KLKB1: variants seen among roughly 807,000 people sequenced by gnomAD.
KLKB1 encodes kallikrein B1.
Under a neutral mutation model 73.6 loss-of-function variants are expected in KLKB1, and 58 were observed. The observed-to-expected ratio is 0.79, with a 90% CI of 0.64 to 0.98. The LOEUF (loss-of-function observed/expected upper bound fraction) is 0.98. Among genes scored for constraint, KLKB1 ranks in the 50% least tolerant of loss-of-function variants. KLKB1 has a pLI of 0.00. For synonymous variants in KLKB1, 280 were observed against 258.1 expected (o/e 1.08, Z -0.81); for missense variants, 737 against 763.8 (o/e 0.96, Z 0.41).
chr4:186,230,002 AT>A (rs1207007452), intron 2 of KLKB1, among the ~76,000 whole-genome samples: 1 of 152,028 alleles, frequency 6.6e-6, no homozygotes. Flanking sequence ...TGTTGGTACT[AT>A]TTTGCTACTA....
upstream of KLKB1, among the ~76,000 whole-genome samples, chr4:186,226,084 T>C (rs1737158654): frequency 6.6e-6 from 1 of 152,118 alleles, no homozygotes; most frequent in Non-Finnish European, 1.5e-5. Context: ...CATTTTGTTC[T>C]TTAGCTCCAG....
chr4:186,216,557 G>A (rs767506870), intron 2 of KLKB1, among the ~76,000 whole-genome samples: 7 of 152,192 alleles, frequency 4.6e-5, no homozygotes, highest in Non-Finnish European at 8.8e-5. Flanking sequence ...AGTGAGTCAC[G>A]TGGGGATCTG....
chr4:186,229,086 T>A (rs1166572953), intron 2 of KLKB1: 1 of 152,204 alleles, frequency 6.6e-6, no homozygotes, highest in African/African-American at 2.4e-5. Flanking sequence ...CCCTCAACCC[T>A]GATTTCTCTT....
chr4:186,239,773 G>A (rs1300554735), intron 6 of KLKB1, among the ~76,000 whole-genome samples: 1 of 143,016 alleles, frequency 7.0e-6, no homozygotes, highest in East Asian at 2.1e-4. Context: ...AGAGTTATAG[G>A]TACAGTGATA....
Position 186,233,981 on chromosome 4 carries a change from C to T in KLKB1, c.251C>T (p.Thr84Ile). ...RFGCFLKDSV[T>I]GTLPKVHRTG... ...GGTTGCTTCTTGAAAGATAGTGTTA[C>T]AGGAACCCTGCCAAAAGTACATCGA... is the stretch of plus-strand genomic sequence containing the variant. The change falls in exon 4 of 15, where the codon ACA (threonine) becomes ATA (isoleucine). Residue 84 changes from threonine to isoleucine, a missense_variant. By Grantham distance (89) the Thr-to-Ile change is moderately conservative (BLOSUM62 -1). Coordinates refer to ENST00000264690, the MANE Select transcript of KLKB1 (RefSeq NM_000892.5). 1 of 1,613,994 alleles carries T rather than the reference C, an allele frequency of 6.2e-7. No individual in the cohort carries two copies. Among genetic ancestry groups the T allele is most frequent in the Non-Finnish European group, 8.5e-7 (1 of 1,179,884 alleles).
At chr4:186,228,506 C>T (rs1010316123) in intron 2 of KLKB1, among the ~76,000 whole-genome samples, 9 of 152,174 alleles carry the variant, frequency 5.9e-5, no homozygotes, top group African/African-American at 2.2e-4. Context: ...TTAACAAAAA[C>T]TTCTGTTCGC....
At chr4:186,246,060 C>T (rs1417804975) in intron 6 of KLKB1, among the ~76,000 whole-genome samples, 3 of 151,872 alleles carry the variant, frequency 2.0e-5, no homozygotes, top group Admixed American at 1.3e-4. Context: ...TTAGCTCCAA[C>T]CACCTCTTTA....
chr4:186,212,563 G>A (rs185743702), intron 2 of KLKB1: 1 of 152,230 alleles, frequency 6.6e-6, no homozygotes, highest in East Asian at 1.9e-4. Context: ...TATATCATAT[G>A]TTATTGGAAG....
rs138408657 is a variant in KLKB1, at chr4:186,232,173, T to C, written c.105T>C (p.Asp35=). Residue 35 remains aspartate (D), a synonymous_variant, in exon 3 of 15, where the codon GAT becomes GAC. Transcript: ENST00000264690. The part of the protein sequence containing the change: ...LYENAFFRGG[D]VASMYTPNAQ... ...AAAACGCCTTCTTCAGAGGTGGGGA[T>C]GTAGCTTCCATGTACACCCCAAATG... 29 of 1,613,750 alleles carry C rather than the reference T, an allele frequency of 1.8e-5. No individual in the cohort carries two copies. In the African/African-American group the frequency reaches 3.5e-4, roughly 19 times the overall value.
chr4:186,238,165 C>T, intron 5 of KLKB1, 91 bp from the exon 6 acceptor site: 1 of 832,274 alleles, frequency 1.2e-6, no homozygotes. Context: ...CATTGTTTTT[C>T]CACTGTGCAT....
chr4:186,250,949 T>C, intron 7 of KLKB1: 1 of 456,710 alleles, frequency 2.2e-6, no homozygotes, highest in Non-Finnish European at 3.9e-6. Context: ...TTTTTTTGTT[T>C]GTTTTTCCAG....
At chr4:186,240,768 G>T (rs4253356) in intron 6 of KLKB1, among the ~76,000 whole-genome samples, 3,700 of 152,272 alleles carry the variant, frequency 0.024, 158 homozygotes, top group African/African-American at 0.085. Flanking sequence ...AGGTTCACGT[G>T]TACTGGTGAT....
chr4:186,255,893 T>C (rs1738968216), intron 12 of KLKB1, 99 bp from the exon 13 acceptor site: 1 of 816,088 alleles, frequency 1.2e-6, no homozygotes, highest in Non-Finnish European at 2.1e-6. Flanking sequence ...TTGATGCTAC[T>C]CTATAGAAAG....
At chr4:186,252,257 T>A in intron 11 of KLKB1, 72 bp downstream of exon 11, 1 of 1,462,012 alleles carries the variant, frequency 6.8e-7, no homozygotes, top group African/African-American at 1.4e-5. Context: ...GATCAGCTGC[T>A]TCACCGCCAT....
chr4:186,243,932 C>T (rs950744514), intron 6 of KLKB1, among the ~76,000 whole-genome samples: 1 of 151,926 alleles, frequency 6.6e-6, no homozygotes, highest in South Asian at 2.1e-4. Flanking sequence ...GGGTAAGGAA[C>T]AGGAAAGAAG....
intron 2 of KLKB1, among the ~76,000 whole-genome samples, chr4:186,221,018 T>C (rs1228160898): frequency 6.6e-6 from 1 of 152,172 alleles, no homozygotes; most frequent in African/African-American, 2.4e-5. Context: ...TTCTATTTCT[T>C]CCTGATTCAG....
chr4:186,219,066 A>T (rs1223016520), intron 2 of KLKB1, among the ~76,000 whole-genome samples: 3 of 152,210 alleles, frequency 2.0e-5, no homozygotes, highest in African/African-American at 7.2e-5. Context: ...GATGAGGGCC[A>T]GAAGACTTAG....
chr4:186,214,367 A>G (rs1158520213), intron 2 of KLKB1, among the ~76,000 whole-genome samples: 1 of 152,202 alleles, frequency 6.6e-6, no homozygotes, highest in African/African-American at 2.4e-5. Context: ...TCTTTCATTT[A>G]TGACCAAAAG....
intron 11 of KLKB1, among the ~76,000 whole-genome samples, chr4:186,253,280 C>A (rs1339224615): frequency 6.7e-6 from 1 of 148,322 alleles, no homozygotes; most frequent in Non-Finnish European, 1.5e-5. Context: ...ATAAACACAC[C>A]AAGTATTTTT....
Sources: gnomAD v4.1 joint callset for allele counts (sites outside exome capture counted in the v4.1 genomes callset) on GRCh38, gnomAD v4.1.1 for gene constraint, MANE v1.5 for transcripts, NCBI Gene and HGNC (gene_info 2026-07-23, HGNC 2026-07-21) for gene names.